Variants in DPP10 observed in about 807,000 individuals in gnomAD.
DPP10 encodes the protein dipeptidyl peptidase like 10.
DPP10 carries 33 observed loss-of-function variants against 120.9 expected under a neutral mutation model. The ratio of observed to expected loss-of-function variants is 0.27; its 90% confidence interval spans 0.21 to 0.37. DPP10 has a LOEUF of 0.37. Ranked by LOEUF, DPP10 falls within the 10% of genes least tolerant of loss-of-function variation. DPP10 has a pLI of 1.00. For missense variants in DPP10, 816 were observed against 942.8 expected (o/e 0.87, Z 1.76); for synonymous variants, 337 against 326.1 (o/e 1.03, Z -0.36).
chr2:115,082,094 A>G (rs1708318879), intron 1 of DPP10, among the ~76,000 whole-genome samples: 1 of 152,114 alleles, frequency 6.6e-6, no homozygotes. Context: ...TATTTTTATC[A>G]GCTTTTTTAG....
chr2:115,462,481 T>TTGGTATGACACACCTCCA (rs1301758328), intron 3 of DPP10, among the ~76,000 whole-genome samples: 1 of 152,120 alleles, frequency 6.6e-6, no homozygotes, highest in African/African-American at 2.4e-5. Context: ...TCCAAATTCC[T>TTGGTATGACACACCTCCA]TGGTATGACA....
intron 3 of DPP10, among the ~76,000 whole-genome samples, chr2:115,481,558 G>A (rs1445417478): frequency 2.6e-5 from 4 of 151,992 alleles, no homozygotes; most frequent in Admixed American, 2.6e-4. Flanking sequence ...TTTTCATCAT[G>A]GATGAAATGA....
intron 1 of DPP10, among the ~76,000 whole-genome samples, chr2:115,031,056 G>T (rs1226632627): frequency 4.6e-5 from 7 of 152,146 alleles, no homozygotes; most frequent in Admixed American, 1.3e-4. Context: ...TTTGCACAAA[G>T]AATTTGACAC....
At chr2:115,074,573 A>C (rs766456072) in intron 1 of DPP10, among the ~76,000 whole-genome samples, 2 of 152,202 alleles carry the variant, frequency 1.3e-5, no homozygotes, top group Non-Finnish European at 2.9e-5. Context: ...TTTCAGAGGT[A>C]GACAGATGTT....
chr2:115,308,132 C>T (rs1192184947), intron 1 of DPP10, among the ~76,000 whole-genome samples: 1 of 151,948 alleles, frequency 6.6e-6, no homozygotes, highest in Non-Finnish European at 1.5e-5. Flanking sequence ...AATTCAATAC[C>T]AAAATAACTA....
intron 2 of DPP10, among the ~76,000 whole-genome samples, chr2:115,322,053 T>C (rs2062089968): frequency 6.6e-6 from 1 of 152,148 alleles, no homozygotes; most frequent in Non-Finnish European, 1.5e-5. Flanking sequence ...CCAGCAGCAG[T>C]TTCTATTAAC....
intron 2 of DPP10, among the ~76,000 whole-genome samples, chr2:115,321,040 C>T (rs1409051733): frequency 6.6e-6 from 1 of 152,194 alleles, no homozygotes; most frequent in Non-Finnish European, 1.5e-5. Context: ...TGGTTCACAC[C>T]TGTAATCCCA....
At chr2:115,332,441 C>A (rs2062810483) in intron 2 of DPP10, among the ~76,000 whole-genome samples, 2 of 152,026 alleles carry the variant, frequency 1.3e-5, no homozygotes, top group Non-Finnish European at 2.9e-5. Context: ...CTGCTCTGAT[C>A]TTAGTTATTT....
chr2:115,073,403 G>A (rs983652807), intron 1 of DPP10, among the ~76,000 whole-genome samples: 2 of 152,218 alleles, frequency 1.3e-5, no homozygotes, highest in Admixed American at 6.5e-5. Context: ...CCTGCCTGTC[G>A]CTAGGCGCAG....
intron 7 of DPP10, among the ~76,000 whole-genome samples, chr2:115,724,824 T>G (rs940274002): frequency 4.6e-5 from 7 of 152,154 alleles, no homozygotes; most frequent in African/African-American, 1.7e-4. Context: ...TCACTGGTGT[T>G]TACTCATGGC....
intron 1 of DPP10, among the ~76,000 whole-genome samples, chr2:114,629,325 A>G (rs1378959496): frequency 6.6e-6 from 1 of 152,176 alleles, no homozygotes; most frequent in East Asian, 1.9e-4. Flanking sequence ...GGACTTATTG[A>G]TTACAGAAAA....
chr2:115,454,832 G>C (rs1333206197), intron 3 of DPP10, among the ~76,000 whole-genome samples: 2 of 151,384 alleles, frequency 1.3e-5, no homozygotes, highest in African/African-American at 2.4e-5. Flanking sequence ...AATACAAAGA[G>C]ATCCATAATA....
Position 115,815,797 on chromosome 2 carries a change from T to C in DPP10, c.1950+68T>C, listed in dbSNP as rs1344381939. The C allele has an allele frequency of 7.7e-6, 11 of 1,427,278 alleles. No homozygotes were observed. The Admixed American group carries it at 9.3e-5, about 12-fold the overall frequency. 88.4% of individuals were successfully genotyped at this position (1,427,278 alleles called of 1,614,324 possible). On this transcript the variant is annotated intron_variant, in intron 21 of 25. Transcript: ENST00000410059. ...ATGTTATGTAATATCCTATTACACA[T>C]TCACAGGAGGCCAGTTGGTTACAGA...
At chr2:114,595,859 A>T (rs1332653429) in intron 1 of DPP10, among the ~76,000 whole-genome samples, 1 of 152,142 alleles carries the variant, frequency 6.6e-6, no homozygotes, top group Non-Finnish European at 1.5e-5. Flanking sequence ...GAATGTCCTC[A>T]ACACAATCCT....
At chr2:115,396,949 A>G (rs761530092) in intron 3 of DPP10, among the ~76,000 whole-genome samples, 2 of 152,198 alleles carry the variant, frequency 1.3e-5, no homozygotes, top group Non-Finnish European at 2.9e-5. Flanking sequence ...TGAGTAAACA[A>G]TAAAATTATA....
rs922852590 is a variant in DPP10 at position 115,220,338 on chromosome 2, T to C, written c.61-88901T>C. Among the ~76,000 whole-genome samples the C allele has an allele frequency of 1.4e-4, 22 of 152,190 alleles. 1 individual carries two copies. The highest frequency in any genetic ancestry group is 5.1e-4 in the African/African-American group (21 of 41,470). On this transcript the variant is annotated intron_variant, in intron 1 of 25. Transcript: ENST00000410059. ...TGTGAAACAGTGATACAAAAAATAG[T>C]ATATTTCCAATTAGTTACCTCGTGT... is the stretch of plus-strand genomic sequence containing the variant.
chr2:115,408,341 G>A (rs2068686640), intron 3 of DPP10, among the ~76,000 whole-genome samples: 1 of 152,116 alleles, frequency 6.6e-6, no homozygotes, highest in Admixed American at 6.6e-5. Context: ...GAAAGAATCA[G>A]CTGGGAAAAG....
intron 7 of DPP10, among the ~76,000 whole-genome samples, chr2:115,702,984 G>A (rs748666382): frequency 9.9e-5 from 15 of 151,934 alleles, no homozygotes; most frequent in Non-Finnish European, 2.1e-4. Context: ...CCTTATAAAG[G>A]TCAGAATTAC....
At chr2:115,777,578 C>T (rs1323041346) in intron 14 of DPP10, among the ~76,000 whole-genome samples, 1 of 152,068 alleles carries the variant, frequency 6.6e-6, no homozygotes, top group East Asian at 1.9e-4. Context: ...AAATATGTTT[C>T]CTAGTTTGAT....
Sources: allele counts gnomAD v4.1 joint callset (sites outside exome capture counted in the v4.1 genomes callset), GRCh38; gene constraint gnomAD v4.1.1; transcripts MANE v1.5; gene names NCBI Gene and HGNC (gene_info 2026-07-23, HGNC 2026-07-21).